UROC1: variants seen among roughly 807,000 people sequenced by gnomAD.
The protein encoded by UROC1 is urocanate hydratase 1, also known as urocanate hydratase.
In UROC1, 79 loss-of-function variants were observed where a neutral mutation model predicts 89.5. The observed-to-expected ratio is 0.88, with a 90% CI of 0.74 to 1.06. The LOEUF is 1.06. UROC1 is among the 50% of genes least tolerant of loss of function. The probability of loss-of-function intolerance (pLI) is 0.00; values close to 1 mark genes in which losing one functional copy is unlikely to be tolerated. For synonymous variants in UROC1, 361 were observed against 354.8 expected (o/e 1.02, Z -0.20); for missense variants, 885 against 907.8 (o/e 0.97, Z 0.32).
intron 2 of UROC1, among the ~76,000 whole-genome samples, chr3:126,509,945 A>G (rs2107549596): frequency 6.6e-6 from 1 of 152,382 alleles, no homozygotes; most frequent in East Asian, 1.9e-4. Context: ...GCTGCTCTCC[A>G]GAAGCCTCTC....
chr3:126,514,509 C>T (rs1313309460), intron 1 of UROC1, among the ~76,000 whole-genome samples: 1 of 152,078 alleles, frequency 6.6e-6, no homozygotes, highest in Non-Finnish European at 1.5e-5. Flanking sequence ...CCACTCCAGT[C>T]ACAGAGCTCC....
chr3:126,485,428 G>A (rs76868008), intron 18 of UROC1, among the ~76,000 whole-genome samples: 15,926 of 150,162 alleles, frequency 0.11, 987 homozygotes, highest in African/African-American at 0.16. Flanking sequence ...GGCAGAAGGC[G>A]TGTGGGTGGG....
chr3:126,508,594 A>G, intron 3 of UROC1, 119 bp from the exon 4 acceptor site: 2 of 779,258 alleles, frequency 2.6e-6, no homozygotes. Flanking sequence ...GAGAAGCCAG[A>G]AGGGTGAGGC....
chr3:126,513,135 G>GGTGTGTGGGTGT (rs1553809465), intron 1 of UROC1, among the ~76,000 whole-genome samples: 1 of 147,798 alleles, frequency 6.8e-6, no homozygotes, highest in Non-Finnish European at 1.5e-5. Flanking sequence ...CACAGAGCAG[G>GGTGTGTGGGTGT]GTGTGTGTGT....
intron 19 of UROC1, among the ~76,000 whole-genome samples, chr3:126,482,703 T>C (rs967735440): frequency 6.6e-6 from 1 of 152,124 alleles, no homozygotes; most frequent in African/African-American, 2.4e-5. Flanking sequence ...CACTCAGTCC[T>C]GCTCCCCCAG....
chr3:126,496,018 C>G lies in UROC1; in HGVS notation c.1509+20G>C, dbSNP rs1935766912. On this transcript the variant is annotated intron_variant, in intron 15 of 19. Coordinates refer to ENST00000290868, the MANE Select transcript of UROC1 (RefSeq NM_144639.3). ...CTGACAGCACAGCCACCCCAGCCTCCCCCAGGCCTGGGCCCTCACCAGCCG... is the reference window on the plus strand; with the variant it reads ...CTGACAGCACAGCCACCCCAGCCTCGCCCAGGCCTGGGCCCTCACCAGCCG... 6.2e-7 allele frequency: 1 copy of G among 1,611,062 alleles called. No individual in the cohort carries two copies. The highest frequency in any genetic ancestry group is 8.5e-7 in the Non-Finnish European group (1 of 1,179,094).
At position 126,510,880 on chromosome 3, in the gene UROC1, A is replaced by G. The variant is rs561252837; in HGVS notation, c.127-86T>C. The G allele has an allele frequency of 2.2e-5, 34 of 1,544,002 alleles. No individual in the cohort carries two copies. In the Middle Eastern group the frequency reaches 6.9e-4, roughly 31 times the overall value. On this transcript the variant is annotated intron_variant, in intron 1 of 19. Transcript: ENST00000290868. ...CCCGCGATGGGCCATCCTCCTCCCA[A>G]ATGGATTTGTCTCTGCTCCACTCAG...
intron 8 of UROC1, among the ~76,000 whole-genome samples, 154 bp from the exon 9 acceptor site, chr3:126,504,237 CCTCT>C (rs1196874360): frequency 2.0e-5 from 3 of 152,148 alleles, no homozygotes; most frequent in Non-Finnish European, 4.4e-5. Context: ...AGCTGCCCTC[CCTCT>C]ATTTATTCCT....
intron 18 of UROC1, among the ~76,000 whole-genome samples, 158 bp downstream of exon 18, chr3:126,488,040 C>T (rs962580940): frequency 5.3e-5 from 8 of 152,142 alleles, no homozygotes; most frequent in African/African-American, 1.2e-4. Flanking sequence ...CAACTGTCTC[C>T]GCTCACGCAA....
chr3:126,501,378 A>T, intron 9 of UROC1, 98 bp from the exon 10 acceptor site: 1 of 1,424,432 alleles, frequency 7.0e-7, no homozygotes, highest in South Asian at 1.2e-5. Flanking sequence ...CAGACCCAGG[A>T]GGCCACCAGA....
chr3:126,483,033 C>T (rs79610492), intron 19 of UROC1, among the ~76,000 whole-genome samples: 4,025 of 152,232 alleles, frequency 0.026, 187 homozygotes, highest in African/African-American at 0.092. Context: ...CTGCAGCTCC[C>T]GGTGAGATGG....
chr3:126,497,940 A>G, intron 14 of UROC1, 111 bp downstream of exon 14: 1 of 1,588,880 alleles, frequency 6.3e-7, no homozygotes, highest in Non-Finnish European at 8.6e-7. Flanking sequence ...ATCTGCGCCC[A>G]GGTTCCCTCC....
intron 19 of UROC1, 41 bp from the exon 20 acceptor site, chr3:126,482,526 C>T (rs778298254): frequency 1.5e-5 from 24 of 1,613,294 alleles, no homozygotes; most frequent in Admixed American, 3.3e-5. Flanking sequence ...TCAACATAAC[C>T]GGGCTCCCCA....
At chr3:126,517,185 G>A (rs777027343) in intron 1 of UROC1, among the ~76,000 whole-genome samples, 99 of 152,288 alleles carry the variant, frequency 6.5e-4, no homozygotes, top group Non-Finnish European at 1.2e-3. Context: ...GCAGCCGCAC[G>A]TTCTCCAGAG....
At chr3:126,497,945 C>T (rs1935819491) in intron 14 of UROC1, 106 bp downstream of exon 14, 1 of 1,595,038 alleles carries the variant, frequency 6.3e-7, no homozygotes, top group African/African-American at 1.3e-5. Flanking sequence ...CGCCCAGGTT[C>T]CCTCCCAGAA....
At chr3:126,500,176 C>A in intron 11 of UROC1, 22 bp from the exon 12 acceptor site, 1 of 1,612,030 alleles carries the variant, frequency 6.2e-7, no homozygotes, top group Non-Finnish European at 8.5e-7. Flanking sequence ...CATGGGTCAG[C>A]ACCACCGCTG....
intron 15 of UROC1, 125 bp downstream of exon 15, chr3:126,495,913 A>G: frequency 2.2e-6 from 2 of 902,384 alleles, no homozygotes; most frequent in Admixed American, 2.0e-5. Context: ...TTGTGTGTGC[A>G]CCCTCTCAGG....
rs545376951 is a variant in UROC1 at position 126,482,312 on chromosome 3, G to T, written c.*33C>A. ...TGGGCAGGTGAGGATCGCCAGGGAG[G>T]AAGGGAGGCAGGGGCCGCGACTCCT... On this transcript the variant is annotated 3_prime_UTR_variant, in exon 20 of 20. Coordinates refer to ENST00000290868, the MANE Select transcript of UROC1 (RefSeq NM_144639.3). 15 of 1,609,352 alleles carry T rather than the reference G, an allele frequency of 9.3e-6. No homozygotes were observed. Among genetic ancestry groups the T allele is most frequent in the African/African-American group, 1.3e-5 (1 of 74,970 alleles).
chr3:126,508,919 G>A (rs1576729070), intron 3 of UROC1, among the ~76,000 whole-genome samples: 1 of 152,244 alleles, frequency 6.6e-6, no homozygotes, highest in African/African-American at 2.4e-5. Context: ...CAGGCACATG[G>A]GGCCAGATCC....
Sources: gnomAD v4.1 joint callset for allele counts (sites outside exome capture counted in the v4.1 genomes callset) on GRCh38, gnomAD v4.1.1 for gene constraint, MANE v1.5 for transcripts, NCBI Gene and HGNC (gene_info 2026-07-23, HGNC 2026-07-21) for gene names.